Variants in C8orf34 observed in about 807,000 individuals in gnomAD.
C8orf34 encodes chromosome 8 open reading frame 34, also known as uncharacterized protein C8orf34.
Under a neutral mutation model 68.3 loss-of-function variants are expected in C8orf34, and 65 were observed. The ratio of observed to expected loss-of-function variants is 0.95; its 90% CI spans 0.78 to 1.17. C8orf34 has a LOEUF of 1.17. Ranked by LOEUF, C8orf34 falls within the 50% of genes most tolerant of loss-of-function variation. The probability of loss-of-function intolerance (pLI) is 0.00; values close to 1 mark genes in which losing one functional copy is unlikely to be tolerated. For missense variants in C8orf34, 664 were observed against 655.4 expected (o/e 1.01, Z -0.14); for synonymous variants, 244 against 241.2 (o/e 1.01, Z -0.11).
chr8:68,330,723 G>A (rs180682881), upstream of C8orf34: 65 of 344,058 alleles, frequency 1.9e-4, no homozygotes, highest in Admixed American at 3.9e-4. Flanking sequence ...AGGGCGAGCA[G>A]CCTCGGGGAG....
intron 7 of C8orf34, among the ~76,000 whole-genome samples, chr8:68,551,509 C>G (rs1165829759): frequency 2.0e-5 from 3 of 152,028 alleles, no homozygotes; most frequent in African/African-American, 7.2e-5. Flanking sequence ...ATATCTGAAT[C>G]TGGTTACTTC....
At chr8:68,711,815 G>GA (rs1821336331) in intron 9 of C8orf34, among the ~76,000 whole-genome samples, 1 of 151,970 alleles carries the variant, frequency 6.6e-6, no homozygotes, top group African/African-American at 2.4e-5. Context: ...CTAGAACTCC[G>GA]AATACAAGAA....
At chr8:68,711,109 G>C (rs1437031505) in intron 9 of C8orf34, among the ~76,000 whole-genome samples, 1 of 152,140 alleles carries the variant, frequency 6.6e-6, no homozygotes, top group African/African-American at 2.4e-5. Flanking sequence ...TCATTCCTAG[G>C]GGAAGGGGGA....
chr8:68,790,978 C>A, intron 12 of C8orf34: 1 of 610,058 alleles, frequency 1.6e-6, no homozygotes, highest in Non-Finnish European at 2.9e-6. Flanking sequence ...AACTTTGGGT[C>A]TTCTTTTTCT....
intron 3 of C8orf34, among the ~76,000 whole-genome samples, chr8:68,459,755 C>T (rs983965478): frequency 6.6e-6 from 1 of 152,188 alleles, no homozygotes; most frequent in African/African-American, 2.4e-5. Context: ...GTGGAATCAA[C>T]CTAAGTGTCC....
intron 10 of C8orf34, among the ~76,000 whole-genome samples, chr8:68,762,274 C>T (rs771296470): frequency 2.6e-5 from 4 of 152,030 alleles, no homozygotes; most frequent in Non-Finnish European, 5.9e-5. Flanking sequence ...TTGAGGTTGC[C>T]GTTTCATAAC....
intron 5 of C8orf34, among the ~76,000 whole-genome samples, chr8:68,519,930 C>A (rs1031031431): frequency 2.6e-5 from 4 of 152,132 alleles, no homozygotes; most frequent in African/African-American, 9.7e-5. Context: ...AAAAACATGT[C>A]TTCACAGTCA....
At chr8:68,674,489 G>A (rs1820117399) in intron 8 of C8orf34, among the ~76,000 whole-genome samples, 1 of 152,068 alleles carries the variant, frequency 6.6e-6, no homozygotes, top group Non-Finnish European at 1.5e-5. Flanking sequence ...TTCTGGAGTT[G>A]AAAAATGCAG....
In C8orf34 at chr8:68,446,331, T is replaced by C. The variant is rs1259519004; in HGVS notation, c.478T>C (p.Ser160Pro). 1 of 1,588,764 alleles carries C rather than the reference T, an allele frequency of 6.3e-7. No homozygotes were observed. The highest frequency in any genetic ancestry group is 8.5e-7 in the Non-Finnish European group (1 of 1,173,054). Residue 160 changes from serine (S) to proline (P), a missense_variant and splice_region_variant, in exon 3 of 14, where the codon TCC becomes CCC. Ser to Pro is a moderately conservative substitution (Grantham distance 74). Coordinates refer to ENST00000518698, the MANE Select transcript of C8orf34 (RefSeq NM_052958.4). ...TTATATATATTTTGTTTTAACAGAA[T>C]CCAAAGGAACAAGAAGGGATTTCAG... ...ALWAESEKSE[S>P]KGTRRDFRSY...
At chr8:68,598,194 T>C (rs2130476104) in intron 7 of C8orf34, among the ~76,000 whole-genome samples, 1 of 152,280 alleles carries the variant, frequency 6.6e-6, no homozygotes, top group South Asian at 2.1e-4. Context: ...CCTTGATGCA[T>C]TTCTGCTAGA....
At position 68,647,829 on chromosome 8, in the gene C8orf34, G is replaced by C. The variant is rs181311997; in HGVS notation, c.1241+7318G>C. ...GTGTTTTTAAGCTGGAAATTATCCTGTTACTTTCATATCACTTGACAGACT... is the reference window on the plus strand; with the variant it reads ...GTGTTTTTAAGCTGGAAATTATCCTCTTACTTTCATATCACTTGACAGACT... On this transcript the variant is annotated intron_variant, in intron 8 of 13. Transcript: ENST00000518698. Among the ~76,000 whole-genome samples, 332 of 152,244 alleles carry C rather than the reference G, an allele frequency of 2.2e-3. 1 individual carries two copies. Among genetic ancestry groups the C allele is most frequent in the Middle Eastern group, 3.4e-3 (1 of 294 alleles).
chr8:68,459,027 T>C (rs1811669419), intron 3 of C8orf34, among the ~76,000 whole-genome samples: 1 of 152,240 alleles, frequency 6.6e-6, no homozygotes, highest in Non-Finnish European at 1.5e-5. Flanking sequence ...TGTGTCTTTG[T>C]ATATTCTTTC....
intron 7 of C8orf34, among the ~76,000 whole-genome samples, chr8:68,590,789 G>T (rs1817365413): frequency 6.6e-6 from 1 of 152,164 alleles, no homozygotes. Flanking sequence ...GCTGGCAGAG[G>T]CAAGTGTCTA....
chr8:68,338,693 G>C (rs62521783), intron 1 of C8orf34, among the ~76,000 whole-genome samples: 7 of 151,904 alleles, frequency 4.6e-5, no homozygotes, highest in African/African-American at 9.7e-5. Flanking sequence ...GTTGTATTCC[G>C]TATGGCTATG....
chr8:68,487,935 C>T (rs1813146532), intron 4 of C8orf34, 88 bp from the exon 5 acceptor site: 1 of 858,908 alleles, frequency 1.2e-6, no homozygotes, highest in Non-Finnish European at 1.9e-6. Flanking sequence ...AAATGCACTA[C>T]TTTTACAAAT....
chr8:68,815,886 G>T lies in C8orf34; in HGVS notation c.1550G>T (p.Arg517Leu), dbSNP rs200466096. ...TATCTCTGTTTCTTTTGTTGTGCAG[G>T]TTCCGCTGATCTTCTTCTTTGCGTT... Reference protein sequence around the residue: ...SEGVEAEQEKRSADLLLCVPC... With the variant: ...SEGVEAEQEKLSADLLLCVPC... Residue 517 changes from arginine to leucine, a missense_variant and splice_region_variant, in exon 13 of 14, where the codon CGT becomes CTT. Arg to Leu is a moderately radical substitution (Grantham distance 102). Transcript: ENST00000518698. 2.3e-5 allele frequency: 37 copies of T among 1,613,694 alleles called. No individual in the cohort carries two copies. Among genetic ancestry groups the T allele is most frequent in the South Asian group, 1.1e-4 (10 of 91,068 alleles).
At chr8:68,632,151 T>C (rs756249593) in intron 7 of C8orf34, among the ~76,000 whole-genome samples, 4 of 152,168 alleles carry the variant, frequency 2.6e-5, no homozygotes, top group African/African-American at 4.8e-5. Flanking sequence ...GATAGTGACA[T>C]GGACAATGAA....
intron 3 of C8orf34, among the ~76,000 whole-genome samples, chr8:68,465,090 A>C (rs1467777320): frequency 6.6e-6 from 1 of 152,136 alleles, no homozygotes; most frequent in Non-Finnish European, 1.5e-5. Flanking sequence ...CAATGAACTC[A>C]AACAAATTTA....
chr8:68,630,805 G>T (rs1585641768), intron 7 of C8orf34, among the ~76,000 whole-genome samples: 1 of 151,590 alleles, frequency 6.6e-6, no homozygotes, highest in Non-Finnish European at 1.5e-5. Context: ...TTGCAGACAG[G>T]ATCTCACTCT....
Sources: allele counts gnomAD v4.1 joint callset (sites outside exome capture counted in the v4.1 genomes callset), GRCh38; gene constraint gnomAD v4.1.1; transcripts MANE v1.5; gene names NCBI Gene and HGNC (gene_info 2026-07-23, HGNC 2026-07-21).